SLX9: variants seen among roughly 807,000 people sequenced by gnomAD.
The protein encoded by SLX9 is ribosome biogenesis protein SLX9 homolog.
Under a neutral mutation model 20.8 loss-of-function variants are expected in SLX9, and 19 were observed. The ratio of observed to expected loss-of-function variants is 0.91; its 90% confidence interval spans 0.64 to 1.34. The LOEUF (loss-of-function observed/expected upper bound fraction) is 1.34, where lower values mean the gene tolerates loss of function less well. Ranked by LOEUF, SLX9 falls within the 40% of genes most tolerant of loss-of-function variation. The pLI, the probability that SLX9 is intolerant of heterozygous loss-of-function variation, is 0.00. For synonymous variants in SLX9, 113 were observed against 137.1 expected (o/e 0.82, Z 1.23); for missense variants, 299 against 322.2 (o/e 0.93, Z 0.55).
At chr21:44,945,709 T>TTTTG (rs142802731) in intron 2 of SLX9, among the ~76,000 whole-genome samples, 19 of 152,126 alleles carry the variant, frequency 1.2e-4, no homozygotes, top group East Asian at 3.9e-4. Flanking sequence ...TTTGTTTGTT[T>TTTTG]TTTGTTTGTT....
At chr21:44,972,216 C>T (rs886933621) in intron 4 of SLX9, among the ~76,000 whole-genome samples, 1 of 152,160 alleles carries the variant, frequency 6.6e-6, no homozygotes, top group East Asian at 1.9e-4. Context: ...TGAGAAGGCG[C>T]CTGGTGTGGC....
intron 2 of SLX9, among the ~76,000 whole-genome samples, chr21:44,948,919 G>A (rs943372910): frequency 1.3e-5 from 2 of 152,176 alleles, no homozygotes; most frequent in African/African-American, 2.4e-5. Flanking sequence ...TGTGGGGTCC[G>A]GCCATTGCAG....
At chr21:44,967,866 G>A (rs1031813555) in intron 4 of SLX9, among the ~76,000 whole-genome samples, 2 of 152,162 alleles carry the variant, frequency 1.3e-5, no homozygotes, top group African/African-American at 4.8e-5. Flanking sequence ...TTGCTCTCCC[G>A]AGCTGTACCT....
chr21:44,939,992 G>A (rs946967553), upstream of SLX9: 4 of 1,357,426 alleles, frequency 2.9e-6, no homozygotes, highest in African/African-American at 6.2e-5. Flanking sequence ...GTTTCCGCCG[G>A]GCGGCGAGAA....
intron 2 of SLX9, among the ~76,000 whole-genome samples, chr21:44,952,184 C>T (rs887767361): frequency 3.3e-5 from 5 of 152,238 alleles, no homozygotes; most frequent in Admixed American, 2.6e-4. Context: ...CCTGTTCACT[C>T]AGGTTCACTC....
intron 1 of SLX9, 74 bp from the exon 2 acceptor site, chr21:44,943,610 C>A: frequency 6.3e-7 from 1 of 1,579,892 alleles, no homozygotes; most frequent in Non-Finnish European, 8.6e-7. Context: ...TTCTCCTCAC[C>A]TTTAACGTCC....
chr21:44,967,759 C>T (rs987880938), intron 4 of SLX9, among the ~76,000 whole-genome samples: 1 of 152,180 alleles, frequency 6.6e-6, no homozygotes, highest in Non-Finnish European at 1.5e-5. Flanking sequence ...CCCACTCATG[C>T]AGGGCCCTGG....
At chr21:44,958,601 G>A (rs995404927) in intron 2 of SLX9, among the ~76,000 whole-genome samples, 14 of 152,222 alleles carry the variant, frequency 9.2e-5, no homozygotes, top group African/African-American at 2.2e-4. Context: ...GTGAACACCC[G>A]TCAGCCCATC....
At chr21:44,944,819 C>T (rs2084613399) in intron 2 of SLX9, among the ~76,000 whole-genome samples, 2 of 152,254 alleles carry the variant, frequency 1.3e-5, no homozygotes, top group South Asian at 4.1e-4. Flanking sequence ...CTCTGCCCCT[C>T]ACCGCCTGGT....
intron 3 of SLX9, 106 bp downstream of exon 3, chr21:44,960,274 C>T: frequency 9.2e-7 from 1 of 1,087,134 alleles, no homozygotes; most frequent in South Asian, 1.3e-5. Context: ...AGCCACACTC[C>T]CCGAGGAGTG....
At chr21:44,950,006 G>C (rs1043961928) in intron 2 of SLX9, among the ~76,000 whole-genome samples, 9 of 152,196 alleles carry the variant, frequency 5.9e-5, no homozygotes, top group Admixed American at 5.9e-4. Context: ...TAGAGACGCA[G>C]GCTCTCCCTC....
At chr21:44,970,397 G>T (rs558688462) in intron 4 of SLX9, among the ~76,000 whole-genome samples, 1 of 152,196 alleles carries the variant, frequency 6.6e-6, no homozygotes, top group Non-Finnish European at 1.5e-5. Flanking sequence ...CCCCATTGAC[G>T]TGGGGGTCGT....
chr21:44,976,140 G>A (rs528988649), intron 5 of SLX9, among the ~76,000 whole-genome samples: 13 of 152,364 alleles, frequency 8.5e-5, no homozygotes, highest in African/African-American at 2.9e-4. Flanking sequence ...GGCTGGCTGC[G>A]CGGGGTTTAG....
At position 44,954,878 on chromosome 21, in the gene SLX9, G is replaced by A. The variant is rs2084826408; in HGVS notation, c.284-5222G>A. Among the ~76,000 whole-genome samples the A allele has an allele frequency of 1.3e-5, 2 of 152,158 alleles. 1 individual carries two copies. Among genetic ancestry groups the A allele is most frequent in the African/African-American group, 4.8e-5 (2 of 41,432 alleles). On this transcript the variant is annotated intron_variant, in intron 2 of 5. Transcript: ENST00000291634. ...TACCAATTTTTAAAAAGGTCTTTGG[G>A]TTTTTCTTTAAAATGGACACCTAAT...
chr21:44,970,396 C>T (rs533724721), intron 4 of SLX9, among the ~76,000 whole-genome samples: 1 of 152,266 alleles, frequency 6.6e-6, no homozygotes, highest in Admixed American at 6.5e-5. Flanking sequence ...GCCCCATTGA[C>T]GTGGGGGTCG....
chr21:44,963,840 A>G (rs898136512), intron 3 of SLX9, among the ~76,000 whole-genome samples: 1 of 152,234 alleles, frequency 6.6e-6, no homozygotes, highest in Non-Finnish European at 1.5e-5. Context: ...GTCAGATAAC[A>G]TAAGTCCTTT....
intron 2 of SLX9, among the ~76,000 whole-genome samples, chr21:44,957,928 G>C (rs1382882032): frequency 6.6e-6 from 1 of 152,244 alleles, no homozygotes; most frequent in Non-Finnish European, 1.5e-5. Flanking sequence ...AGGATGTGAA[G>C]CAGACAGGGC....
In SLX9 at chr21:44,951,170, A is replaced by G. The variant is rs905745603; in HGVS notation, c.283+7333A>G. 1.9e-4 allele frequency among the ~76,000 whole-genome samples: 29 copies of G among 152,128 alleles called. 1 individual carries two copies. The highest frequency in any genetic ancestry group is 8.8e-5 in the Non-Finnish European group (6 of 68,002). ...CCAGCCTCTTCTGTGCCTGTGTCTC[A>G]TGGCCTGGCTCCTGTTCACTCAGGT... On this transcript the variant is annotated intron_variant, in intron 2 of 5. Coordinates refer to ENST00000291634, the MANE Select transcript of SLX9 (RefSeq NM_058190.4).
chr21:44,943,970 C>A, intron 2 of SLX9, 133 bp downstream of exon 2: 1 of 1,305,742 alleles, frequency 7.7e-7, no homozygotes, highest in Non-Finnish European at 1.1e-6. Flanking sequence ...ATGCCCCTGG[C>A]TGTTTCTTGG....
Sources: gnomAD v4.1 joint callset for allele counts (sites outside exome capture counted in the v4.1 genomes callset) on GRCh38, gnomAD v4.1.1 for gene constraint, MANE v1.5 for transcripts, NCBI Gene and HGNC (gene_info 2026-07-23, HGNC 2026-07-21) for gene names.